Variants in TCF12 observed in about 807,000 individuals in gnomAD.
The protein encoded by TCF12 is DNA-binding protein HTF4.
TCF12 carries 45 observed loss-of-function variants against 86.0 expected under a neutral mutation model. The observed-to-expected ratio is 0.52, with a 90% CI of 0.41 to 0.67. The LOEUF is 0.67. TCF12 is among the 30% of genes least tolerant of loss of function. The pLI is 0.00. For missense variants in TCF12, 881 were observed against 859.9 expected (o/e 1.02, Z -0.31); for synonymous variants, 330 against 299.6 (o/e 1.10, Z -1.05).
At chr15:57,184,674 T>C (rs1332452192) in intron 6 of TCF12, among the ~76,000 whole-genome samples, 2 of 152,170 alleles carry the variant, frequency 1.3e-5, no homozygotes, top group Non-Finnish European at 2.9e-5. Context: ...GGTAATAATA[T>C]GTTCCATCTA....
chr15:56,944,912 A>G (rs1253763224), intron 3 of TCF12, among the ~76,000 whole-genome samples: 1 of 152,176 alleles, frequency 6.6e-6, no homozygotes, highest in Non-Finnish European at 1.5e-5. Flanking sequence ...GATTTCTATT[A>G]AGCCTGCTGG....
intron 9 of TCF12, 34 bp downstream of exon 9, chr15:57,231,291 G>A: frequency 7.1e-7 from 1 of 1,412,260 alleles, no homozygotes; most frequent in Non-Finnish European, 1.0e-6. Flanking sequence ...AAATACTACT[G>A]CAGTCATCTG....
chr15:57,167,459 G>T (rs1567551645), intron 6 of TCF12, among the ~76,000 whole-genome samples: 1 of 151,948 alleles, frequency 6.6e-6, no homozygotes, highest in Non-Finnish European at 1.5e-5. Flanking sequence ...TGCTTGGGAG[G>T]CTGAAGCAGG....
At chr15:57,223,643 G>GTTTTTTGTTTTTTTTTTTTTT (rs1456806093) in intron 8 of TCF12, among the ~76,000 whole-genome samples, 2 of 69,666 alleles carry the variant, frequency 2.9e-5, no homozygotes, top group African/African-American at 4.9e-5. Flanking sequence ...TACCAATGAG[G>GTTTTTTGTTTTTTTTTTTTTT]TTTTTTTTTT....
intron 5 of TCF12, among the ~76,000 whole-genome samples, chr15:57,130,858 A>G (rs574604264): frequency 6.6e-6 from 1 of 152,340 alleles, no homozygotes; most frequent in East Asian, 1.9e-4. Flanking sequence ...TGTATTTTTC[A>G]TATCAGGAAA....
At chr15:57,251,856 A>G (rs2060132249) in intron 14 of TCF12, among the ~76,000 whole-genome samples, 1 of 152,202 alleles carries the variant, frequency 6.6e-6, no homozygotes, top group South Asian at 2.1e-4. Context: ...ATTTTAAGTG[A>G]ATACCAGTGT....
chr15:57,004,096 A>G (rs2064205951), intron 3 of TCF12, among the ~76,000 whole-genome samples: 1 of 152,070 alleles, frequency 6.6e-6, no homozygotes, highest in Non-Finnish European at 1.5e-5. Context: ...CTCTCACTTT[A>G]AGTTATGATA....
At position 57,090,252 on chromosome 15, in the gene TCF12, A is replaced by G. The variant is rs2048908626; in HGVS notation, c.223-1537A>G. ...ACAAAAACAAAAACAAAAAAATGGT[A>G]AGCTCTGTGGAGTGACGTTAGCTAA... On this transcript the variant is annotated intron_variant, in intron 4 of 20. Transcript: ENST00000333725. 3.3e-5 allele frequency among the ~76,000 whole-genome samples: 5 copies of G among 152,050 alleles called. No individual in the cohort carries two copies. The South Asian group carries it at 1.0e-3, about 32-fold the overall frequency.
intron 1 of TCF12, chr15:56,919,366 T>G (rs1240807685): frequency 6.6e-6 from 1 of 152,126 alleles, no homozygotes; most frequent in African/African-American, 2.4e-5. Context: ...CTTTCCGACC[T>G]CCTGGGCCCG....
intron 6 of TCF12, among the ~76,000 whole-genome samples, chr15:57,183,013 A>G (rs1384849677): frequency 6.6e-6 from 1 of 152,198 alleles, no homozygotes. Flanking sequence ...TTAGGATTTC[A>G]CTACTTGTTA....
At chr15:57,064,346 G>A (rs1269784487) in intron 4 of TCF12, among the ~76,000 whole-genome samples, 1 of 152,078 alleles carries the variant, frequency 6.6e-6, no homozygotes, top group Non-Finnish European at 1.5e-5. Flanking sequence ...AGGTCACAAG[G>A]TTAGAGCCCT....
intron 5 of TCF12, among the ~76,000 whole-genome samples, chr15:57,122,080 T>C (rs1695171466): frequency 6.9e-6 from 1 of 144,442 alleles, no homozygotes; most frequent in Admixed American, 7.0e-5. Flanking sequence ...CTGCTTCTTA[T>C]CTCCTTGTTT....
chr15:57,278,953 T>G (rs1251049632), intron 19 of TCF12, among the ~76,000 whole-genome samples: 1 of 150,646 alleles, frequency 6.6e-6, no homozygotes, highest in East Asian at 1.9e-4. Flanking sequence ...TTTTTTTTTT[T>G]TCTCCTTTCC....
At chr15:57,193,306 A>G (rs2057078643) in intron 7 of TCF12, among the ~76,000 whole-genome samples, 1 of 152,236 alleles carries the variant, frequency 6.6e-6, no homozygotes. Flanking sequence ...ACAGTTGAGT[A>G]GCATATACTA....
chr15:57,103,588 C>T (rs1322201852), intron 5 of TCF12, among the ~76,000 whole-genome samples: 1 of 152,044 alleles, frequency 6.6e-6, no homozygotes. Context: ...GTTAGCTCTA[C>T]CACAATGGAA....
intron 7 of TCF12, among the ~76,000 whole-genome samples, chr15:57,192,858 A>G (rs2057056095): frequency 6.6e-6 from 1 of 152,218 alleles, no homozygotes; most frequent in Non-Finnish European, 1.5e-5. Flanking sequence ...GGCCATGAAT[A>G]ATTTTGGATG....
At chr15:57,179,986 C>T (rs1385030594) in intron 6 of TCF12, among the ~76,000 whole-genome samples, 1 of 152,204 alleles carries the variant, frequency 6.6e-6, no homozygotes, top group Admixed American at 6.5e-5. Flanking sequence ...AGAATGATAA[C>T]TGTAGTTTGC....
intron 5 of TCF12, among the ~76,000 whole-genome samples, chr15:57,102,462 G>T (rs151253207): frequency 6.6e-6 from 1 of 152,110 alleles, no homozygotes; most frequent in Non-Finnish European, 1.5e-5. Context: ...GCTGGGCGTC[G>T]TGACGCACAC....
intron 5 of TCF12, among the ~76,000 whole-genome samples, chr15:57,104,853 TTGG>T (rs1482893255): frequency 6.7e-6 from 1 of 148,420 alleles, no homozygotes; most frequent in African/African-American, 2.5e-5. Context: ...TTGCTGGTCT[TTGG>T]TGGTGTTTTT....
Sources: gnomAD v4.1 joint callset for allele counts (sites outside exome capture counted in the v4.1 genomes callset) on GRCh38, gnomAD v4.1.1 for gene constraint, MANE v1.5 for transcripts, NCBI Gene and HGNC (gene_info 2026-07-23, HGNC 2026-07-21) for gene names.